Variants in CADM2 observed in about 807,000 individuals in gnomAD.
The protein encoded by CADM2 is immunoglobulin superfamily member 4D.
In CADM2, 12 loss-of-function variants were observed where a neutral mutation model predicts 49.8. The observed-to-expected ratio is 0.24, with a 90% confidence interval of 0.15 to 0.39. The LOEUF is 0.39. Ranked by LOEUF, CADM2 falls within the 10% of genes least tolerant of loss-of-function variation. The probability of loss-of-function intolerance (pLI) is 1.00; values close to 1 mark genes in which losing one functional copy is unlikely to be tolerated. For synonymous variants in CADM2, 214 were observed against 175.4 expected, an observed-to-expected ratio of 1.22 and a Z score of -1.74; for missense variants, 378 against 492.3, an observed-to-expected ratio of 0.77 and a Z score of 2.20.
intron 1 of CADM2, among the ~76,000 whole-genome samples, chr3:84,971,380 AAATC>A (rs1387837862): frequency 6.6e-6 from 1 of 152,188 alleles, no homozygotes; most frequent in African/African-American, 2.4e-5. Flanking sequence ...ATATTTTTAA[AAATC>A]AAGTAAAATT....
chr3:85,604,690 T>A (rs1472054330), intron 1 of CADM2, among the ~76,000 whole-genome samples: 2 of 151,884 alleles, frequency 1.3e-5, no homozygotes, highest in African/African-American at 4.8e-5. Flanking sequence ...ATCTTTTTGT[T>A]GTCTGTTAAT....
intron 1 of CADM2, among the ~76,000 whole-genome samples, chr3:84,975,589 G>A (rs1399793417): frequency 6.6e-6 from 1 of 151,500 alleles, no homozygotes; most frequent in African/African-American, 2.4e-5. Flanking sequence ...TTTTGAGTGG[G>A]GAAAGGTAAT....
intron 1 of CADM2, among the ~76,000 whole-genome samples, chr3:85,596,739 A>G (rs560473833): frequency 1.3e-5 from 2 of 152,144 alleles, no homozygotes; most frequent in African/African-American, 2.4e-5. Flanking sequence ...ATTTCACAGT[A>G]GAATTATTGC....
chr3:85,798,843 T>C (rs1157029974), intron 2 of CADM2, among the ~76,000 whole-genome samples: 1 of 152,170 alleles, frequency 6.6e-6, no homozygotes, highest in Non-Finnish European at 1.5e-5. Context: ...TGGCATTGAA[T>C]CTATAAATTA....
chr3:85,782,399 G>C (rs1013493701), intron 2 of CADM2, among the ~76,000 whole-genome samples: 1 of 152,016 alleles, frequency 6.6e-6, no homozygotes, highest in Non-Finnish European at 1.5e-5. Flanking sequence ...ATTTCTTGCC[G>C]AGTGAGATGG....
chr3:86,018,481 T>C (rs1359867257), intron 8 of CADM2, among the ~76,000 whole-genome samples: 1 of 152,038 alleles, frequency 6.6e-6, no homozygotes, highest in Non-Finnish European at 1.5e-5. Flanking sequence ...TTAACTAGTT[T>C]ACAGTCCCAC....
intron 1 of CADM2, among the ~76,000 whole-genome samples, chr3:85,340,531 T>C (rs887748339): frequency 6.6e-6 from 1 of 151,632 alleles, no homozygotes; most frequent in Non-Finnish European, 1.5e-5. Flanking sequence ...TATGTATGTA[T>C]ATATTGAAAA....
intron 1 of CADM2, among the ~76,000 whole-genome samples, chr3:85,437,277 C>T (rs955626867): frequency 1.3e-5 from 2 of 152,084 alleles, no homozygotes; most frequent in African/African-American, 4.8e-5. Flanking sequence ...TTAATCGCTT[C>T]TAAGTTTTGG....
chr3:85,205,165 G>A (rs1341860461), intron 1 of CADM2, among the ~76,000 whole-genome samples: 1 of 151,110 alleles, frequency 6.6e-6, no homozygotes, highest in African/African-American at 2.5e-5. Context: ...ATACATGCAG[G>A]TGCCACCGTG....
intron 1 of CADM2, among the ~76,000 whole-genome samples, chr3:85,593,541 A>G (rs2063165473): frequency 6.6e-6 from 1 of 152,052 alleles, no homozygotes; most frequent in Non-Finnish European, 1.5e-5. Context: ...AGTGTGAACT[A>G]AAGAATTGTT....
intron 1 of CADM2, among the ~76,000 whole-genome samples, chr3:85,308,925 A>G (rs188037353): frequency 2.6e-4 from 40 of 152,214 alleles, no homozygotes; most frequent in Admixed American, 1.3e-3. Flanking sequence ...GGAAAAAATT[A>G]TTTTTATAGT....
rs569865317 is a variant in CADM2 at position 85,584,684 on chromosome 3, C to T, written c.62-141838C>T. 2.1e-4 allele frequency among the ~76,000 whole-genome samples: 32 copies of T among 152,104 alleles called. No homozygotes were observed. The South Asian group carries it at 5.0e-3, about 24-fold the overall frequency. ...AAAGAAAAATAGGATGATATTGGAACGTGCATTGTCTTTGTAAGGGAAGCA... is the reference window on the plus strand; with the variant it reads ...AAAGAAAAATAGGATGATATTGGAATGTGCATTGTCTTTGTAAGGGAAGCA... On this transcript the variant is annotated intron_variant, in intron 1 of 9. Coordinates refer to ENST00000383699, the MANE Select transcript of CADM2 (RefSeq NM_001167675.2).
At chr3:85,210,256 A>G (rs1446581489) in intron 1 of CADM2, among the ~76,000 whole-genome samples, 1 of 152,190 alleles carries the variant, frequency 6.6e-6, no homozygotes. Context: ...ACTTTGTTCT[A>G]TTGATATGAT....
chr3:85,871,513 A>G (rs1005459928), intron 3 of CADM2, among the ~76,000 whole-genome samples: 1 of 152,142 alleles, frequency 6.6e-6, no homozygotes, highest in East Asian at 1.9e-4. Context: ...TCAGATATAT[A>G]TTATCTATGT....
chr3:85,420,101 T>C (rs1203273619), intron 1 of CADM2, among the ~76,000 whole-genome samples: 2 of 152,172 alleles, frequency 1.3e-5, no homozygotes, highest in Non-Finnish European at 2.9e-5. Flanking sequence ...GTTATGACAC[T>C]TAGGACCAAG....
intron 2 of CADM2, among the ~76,000 whole-genome samples, chr3:85,767,473 A>C (rs1002144293): frequency 1.3e-5 from 2 of 152,198 alleles, no homozygotes; most frequent in Non-Finnish European, 2.9e-5. Flanking sequence ...AGAAGAAATT[A>C]AATTTGCAGA....
chr3:85,764,477 C>G (rs984986385), intron 2 of CADM2, among the ~76,000 whole-genome samples: 1 of 151,996 alleles, frequency 6.6e-6, no homozygotes, highest in Admixed American at 6.6e-5. Flanking sequence ...CTGGAGGAAA[C>G]AGAATACTCG....
chr3:85,007,956 A>G (rs2033817865), intron 1 of CADM2, among the ~76,000 whole-genome samples: 1 of 152,194 alleles, frequency 6.6e-6, no homozygotes, highest in Non-Finnish European at 1.5e-5. Context: ...GACATGCAGA[A>G]TTTCTAGGAA....
In CADM2 at chr3:85,043,420, C is replaced by T. The variant is rs567120866; in HGVS notation, c.61+83752C>T. On this transcript the variant is annotated intron_variant, in intron 1 of 9. Transcript: ENST00000383699. ...TTAGGCCGGGTGCAGGGGCTCATGC[C>T]TGTAATCTAAGCTCTTTAAGAGGCT... Among the ~76,000 whole-genome samples the T allele has an allele frequency of 1.8e-4, 27 of 152,084 alleles. No homozygotes were observed. In the South Asian group the frequency reaches 5.4e-3, roughly 30 times the overall value.
Sources: gnomAD v4.1 joint callset for allele counts (sites outside exome capture counted in the v4.1 genomes callset) on GRCh38, gnomAD v4.1.1 for gene constraint, MANE v1.5 for transcripts, NCBI Gene and HGNC (gene_info 2026-07-23, HGNC 2026-07-21) for gene names.